The following FMNL2 variants were observed in gnomAD, a reference collection of about 807,000 sequenced individuals.
FMNL2 encodes the protein formin like 2, also known as formin-like protein 2.
A neutral mutation model predicts 130.2 loss-of-function variants in FMNL2; 51 were observed. That is an observed-to-expected ratio of 0.39 (90% confidence interval 0.31 to 0.49). The LOEUF is 0.49. Among genes scored for constraint, FMNL2 ranks in the 20% least tolerant of loss-of-function variants. The pLI is 0.85. For missense variants in FMNL2, 977 were observed against 1,316.2 expected, an observed-to-expected ratio of 0.74 and a Z score of 3.99; for synonymous variants, 465 against 467.1, an observed-to-expected ratio of 1.00 and a Z score of 0.06.
At chr2:152,510,115 A>G (rs1692413738) in intron 1 of FMNL2, among the ~76,000 whole-genome samples, 1 of 152,184 alleles carries the variant, frequency 6.6e-6, no homozygotes, top group Admixed American at 6.5e-5. Flanking sequence ...TAGTATTTGT[A>G]TAATATTTAA....
At chr2:152,566,645 A>G (rs565818290) in intron 6 of FMNL2, among the ~76,000 whole-genome samples, 2 of 152,352 alleles carry the variant, frequency 1.3e-5, no homozygotes, top group South Asian at 4.1e-4. Flanking sequence ...AAGGATACAG[A>G]AAGATATATT....
intron 24 of FMNL2, 118 bp from the exon 25 acceptor site, chr2:152,640,673 T>C (rs1447701151): frequency 8.2e-7 from 1 of 1,226,034 alleles, no homozygotes; most frequent in Non-Finnish European, 1.1e-6. Context: ...ATGTGGGATG[T>C]GTGTGTGTTT....
At chr2:152,474,373 A>G (rs748530865) in intron 1 of FMNL2, among the ~76,000 whole-genome samples, 2 of 152,222 alleles carry the variant, frequency 1.3e-5, no homozygotes, top group Admixed American at 6.5e-5. Context: ...AATGAGCTTC[A>G]CTTACTTTAT....
intron 1 of FMNL2, among the ~76,000 whole-genome samples, chr2:152,476,691 T>TAA (rs70974865): frequency 6.3e-5 from 9 of 143,210 alleles, no homozygotes; most frequent in South Asian, 2.2e-4. Context: ...GACCCTGTCT[T>TAA]AAAAAAAAAA....
chr2:152,537,171 T>C (rs1278220644), intron 2 of FMNL2, among the ~76,000 whole-genome samples: 2 of 152,252 alleles, frequency 1.3e-5, no homozygotes, highest in East Asian at 1.9e-4. Flanking sequence ...TGTTGTAGCA[T>C]AGCTGATGAA....
At chr2:152,530,928 A>G (rs934094454) in intron 2 of FMNL2, among the ~76,000 whole-genome samples, 1 of 152,172 alleles carries the variant, frequency 6.6e-6, no homozygotes, top group Non-Finnish European at 1.5e-5. Context: ...GAGGAAAACT[A>G]ATTAGAAATA....
At chr2:152,423,213 A>G (rs1483469705) in intron 1 of FMNL2, among the ~76,000 whole-genome samples, 2 of 152,194 alleles carry the variant, frequency 1.3e-5, no homozygotes, top group Non-Finnish European at 2.9e-5. Context: ...TTTTAATCAA[A>G]CAATATAGCA....
At chr2:152,482,432 A>G (rs2105240092) in intron 1 of FMNL2, among the ~76,000 whole-genome samples, 1 of 152,310 alleles carries the variant, frequency 6.6e-6, no homozygotes, top group Non-Finnish European at 1.5e-5. Flanking sequence ...TATATTACTC[A>G]TAATAGGATG....
chr2:152,349,920 G>A (rs4664101), intron 1 of FMNL2, among the ~76,000 whole-genome samples: 2 of 151,180 alleles, frequency 1.3e-5, no homozygotes, highest in Non-Finnish European at 3.0e-5. Flanking sequence ...AGCGTTTACT[G>A]TGTGCCAGGC....
At chr2:152,589,327 CAACA>C (rs1054154121) in intron 9 of FMNL2, among the ~76,000 whole-genome samples, 9 of 100,920 alleles carry the variant, frequency 8.9e-5, no homozygotes, top group East Asian at 1.0e-3. Flanking sequence ...ACAAAAAAAA[CAACA>C]AAAAAAAACC....
chr2:152,643,266 CTT>C (rs1365987038), intron 25 of FMNL2, among the ~76,000 whole-genome samples: 1 of 152,148 alleles, frequency 6.6e-6, no homozygotes, highest in African/African-American at 2.4e-5. Context: ...TATGAACTAA[CTT>C]GAGTATATAT....
intron 3 of FMNL2, among the ~76,000 whole-genome samples, chr2:152,544,476 G>A (rs1694510200): frequency 6.6e-6 from 1 of 152,098 alleles, no homozygotes; most frequent in South Asian, 2.1e-4. Flanking sequence ...CCAGACAGGT[G>A]TTTTTCTGCA....
rs1213672179 is a variant in FMNL2 at position 152,611,483 on chromosome 2, A to G, written c.952-12A>G. 6.5e-7 allele frequency: 1 copy of G among 1,540,784 alleles called. No homozygotes were observed. Among genetic ancestry groups the G allele is most frequent in the Non-Finnish European group, 8.8e-7 (1 of 1,130,310 alleles). On this transcript the variant is annotated splice_polypyrimidine_tract_variant and intron_variant, in intron 10 of 25. Coordinates refer to ENST00000288670, the MANE Select transcript of FMNL2 (RefSeq NM_052905.4). ...TTGGAGCCCATCTAACCCCTTGACA[A>G]TTTCATTTCAGGTGGCTTCTATGCA...
chr2:152,569,253 C>T (rs1461878490), intron 6 of FMNL2, among the ~76,000 whole-genome samples: 2 of 151,980 alleles, frequency 1.3e-5, no homozygotes, highest in African/African-American at 4.8e-5. Flanking sequence ...ATCTGTGGTT[C>T]GGCAGATCCA....
At chr2:152,596,223 G>A (rs11883839) in intron 9 of FMNL2, among the ~76,000 whole-genome samples, 3,040 of 151,698 alleles carry the variant, frequency 0.02, 114 homozygotes, top group African/African-American at 0.067. Flanking sequence ...TCGGCCTCCC[G>A]CAGTGCTGAA....
At chr2:152,477,052 G>A (rs1302028261) in intron 1 of FMNL2, among the ~76,000 whole-genome samples, 2 of 152,126 alleles carry the variant, frequency 1.3e-5, no homozygotes, top group Non-Finnish European at 1.5e-5. Context: ...GCATGAAAAT[G>A]CCCTTGGTTA....
intron 10 of FMNL2, 30 bp from the exon 11 acceptor site, chr2:152,611,465 C>T: frequency 7.4e-7 from 1 of 1,345,714 alleles, no homozygotes; most frequent in East Asian, 2.5e-5. Flanking sequence ...AGTTTGGAGC[C>T]CATCTAACCC....
In FMNL2 at chr2:152,453,063, G is replaced by A. The variant is rs190333071; in HGVS notation, c.118-68880G>A. On this transcript the variant is annotated intron_variant, in intron 1 of 25. Coordinates refer to ENST00000288670, the MANE Select transcript of FMNL2 (RefSeq NM_052905.4). ...CTAAAAATACAAAAATTAGCTGGGC[G>A]TGGTGGTCAGCACCTGTAACCCCAG... Among the ~76,000 whole-genome samples the A allele has an allele frequency of 9.3e-3, 1,418 of 152,126 alleles. 18 individuals carry two copies. The highest frequency in any genetic ancestry group is 0.021 in the African/African-American group (884 of 41,508).
intron 1 of FMNL2, among the ~76,000 whole-genome samples, chr2:152,395,049 T>C (rs1685318583): frequency 6.6e-6 from 1 of 152,210 alleles, no homozygotes; most frequent in African/African-American, 2.4e-5. Flanking sequence ...AGGAATGCTG[T>C]TAGAGTGTCA....
Sources: allele counts gnomAD v4.1 joint callset (sites outside exome capture counted in the v4.1 genomes callset), GRCh38; gene constraint gnomAD v4.1.1; transcripts MANE v1.5; gene names NCBI Gene and HGNC (gene_info 2026-07-23, HGNC 2026-07-21).